Variants in COL21A1 observed in about 807,000 individuals in gnomAD.
The protein encoded by COL21A1 is collagen alpha-1(XXI) chain.
Under a neutral mutation model 137.9 loss-of-function variants are expected in COL21A1, and 149 were observed. That is an observed-to-expected ratio of 1.08 (90% CI 0.95 to 1.24). The LOEUF is 1.24. COL21A1 is among the 50% of genes most tolerant of loss of function. COL21A1 has a pLI of 0.00. For missense variants in COL21A1, 1,167 were observed against 1,158.4 expected (o/e 1.01, Z -0.11); for synonymous variants, 456 against 391.5 (o/e 1.16, Z -1.95).
chr6:56,097,993 GTAAATA>G (rs1769654765), intron 17 of COL21A1, among the ~76,000 whole-genome samples: 3 of 9,110 alleles, frequency 3.3e-4, no homozygotes, highest in African/African-American at 1.7e-3. Flanking sequence ...AAATATATAT[GTAAATA>G]TATAAATATA....
At chr6:56,077,149 A>G (rs1767312100) in intron 18 of COL21A1, among the ~76,000 whole-genome samples, 1 of 151,402 alleles carries the variant, frequency 6.6e-6, no homozygotes, top group African/African-American at 2.4e-5. Context: ...TCAAAACAAG[A>G]GCAAAATAAA....
intron 1 of COL21A1, among the ~76,000 whole-genome samples, chr6:56,236,465 T>C (rs1229071326): frequency 6.6e-6 from 1 of 152,022 alleles, no homozygotes; most frequent in Admixed American, 6.6e-5. Context: ...GGATAAACAA[T>C]ACTCATATCA....
chr6:56,232,150 T>G (rs1463894596), intron 1 of COL21A1, among the ~76,000 whole-genome samples: 1 of 151,832 alleles, frequency 6.6e-6, no homozygotes, highest in Non-Finnish European at 1.5e-5. Flanking sequence ...GAATGTGTCT[T>G]ATTCTTATAT....
At chr6:56,145,491 A>G (rs984483137) in intron 10 of COL21A1, among the ~76,000 whole-genome samples, 2 of 152,174 alleles carry the variant, frequency 1.3e-5, no homozygotes, top group African/African-American at 4.8e-5. Flanking sequence ...TTGGACTAAA[A>G]ACCAGGAAAA....
chr6:56,343,531 G>A (rs1765516849), intron 1 of COL21A1, among the ~76,000 whole-genome samples: 1 of 152,204 alleles, frequency 6.6e-6, no homozygotes, highest in Non-Finnish European at 1.5e-5. Context: ...CTGGGTGAAT[G>A]ACTATCTGTT....
intron 1 of COL21A1, among the ~76,000 whole-genome samples, chr6:56,331,282 G>C (rs1294032152): frequency 6.6e-6 from 1 of 151,134 alleles, no homozygotes; most frequent in Non-Finnish European, 1.5e-5. Context: ...AAGCTTTTCA[G>C]TTTAAGTTCC....
chr6:56,284,021 T>A (rs1448383131), intron 1 of COL21A1, among the ~76,000 whole-genome samples: 1 of 152,122 alleles, frequency 6.6e-6, no homozygotes, highest in Non-Finnish European at 1.5e-5. Context: ...ACTGTAATTA[T>A]GAGGATGTGA....
At position 56,170,689 on chromosome 6, in the gene COL21A1, T is replaced by C. The variant is rs775869347; in HGVS notation, c.986A>G (p.Asn329Ser). The C allele has an allele frequency of 4.0e-5, 64 of 1,603,754 alleles. No homozygotes were observed. The highest frequency in any genetic ancestry group is 5.3e-5 in the Non-Finnish European group (62 of 1,173,856). The change falls in exon 5 of 30, where the codon AAT becomes AGT. Residue 329 changes from asparagine to serine, a missense_variant. Asn to Ser is a conservative substitution (Grantham distance 46). Transcript: ENST00000244728. ...AGCAAAGGTAACCACTTGTGAGCCA[T>C]TAATTACGCTGGTTGTTGTAAATAA... is the stretch of plus-strand genomic sequence containing the variant. ...ILLFTTTSVINGSQVVTFANP... is the reference protein window; with the variant it reads ...ILLFTTTSVISGSQVVTFANP...
intron 1 of COL21A1, among the ~76,000 whole-genome samples, chr6:56,368,765 C>A (rs1489406816): frequency 2.6e-5 from 4 of 152,150 alleles, no homozygotes; most frequent in African/African-American, 7.2e-5. Context: ...TCGCTTGGGA[C>A]ATTTCCTGTT....
intron 1 of COL21A1, among the ~76,000 whole-genome samples, chr6:56,280,946 A>G (rs1462201706): frequency 6.6e-6 from 1 of 152,212 alleles, no homozygotes; most frequent in Non-Finnish European, 1.5e-5. Context: ...TTAAGCCTGC[A>G]GTGGGCCATG....
Position 56,392,142 on chromosome 6 carries a change from C to T in COL21A1, c.-39+1829G>A, listed in dbSNP as rs562741477. Among the ~76,000 whole-genome samples, 25 of 152,072 alleles carry T rather than the reference C, an allele frequency of 1.6e-4. 1 individual carries two copies. The South Asian group carries it at 4.0e-3, about 24-fold the overall frequency. On this transcript the variant is annotated intron_variant, in intron 1 of 28. Coordinates refer to the COL21A1 transcript ENST00000370819. ...ATTCAACAACACATTAAAAGGATCA[C>T]GCATCATGATCAAGTGGGATTCATC...
chr6:56,275,951 A>G (rs1454314115), intron 1 of COL21A1, among the ~76,000 whole-genome samples: 4 of 152,240 alleles, frequency 2.6e-5, no homozygotes, highest in African/African-American at 4.8e-5. Flanking sequence ...TATTCACAAT[A>G]GCAAAGACAT....
intron 1 of COL21A1, among the ~76,000 whole-genome samples, chr6:56,278,763 G>A (rs1444544577): frequency 6.6e-6 from 1 of 152,158 alleles, no homozygotes; most frequent in African/African-American, 2.4e-5. Flanking sequence ...GTGAATGATT[G>A]AACCTGTGTT....
intron 1 of COL21A1, among the ~76,000 whole-genome samples, chr6:56,296,063 T>A (rs142033384): frequency 2.2e-3 from 338 of 152,078 alleles, no homozygotes; most frequent in African/African-American, 7.7e-3. Context: ...ATGTTAGCTA[T>A]AAGTTTTTTA....
chr6:56,160,009 C>T (rs1382816550), intron 9 of COL21A1, among the ~76,000 whole-genome samples: 2 of 152,034 alleles, frequency 1.3e-5, no homozygotes, highest in Non-Finnish European at 2.9e-5. Context: ...GTCAACAGCC[C>T]CAAGAAGAAA....
chr6:56,183,061 A>C (rs1329677210), intron 1 of COL21A1, among the ~76,000 whole-genome samples: 1 of 152,188 alleles, frequency 6.6e-6, no homozygotes, highest in Non-Finnish European at 1.5e-5. Context: ...TAGTGAAAAT[A>C]TGTCTAAGAT....
chr6:56,323,543 C>T (rs958235262), intron 1 of COL21A1, among the ~76,000 whole-genome samples: 10 of 152,230 alleles, frequency 6.6e-5, no homozygotes, highest in African/African-American at 2.2e-4. Flanking sequence ...GTGCACACCA[C>T]TGTGCCCAGA....
At chr6:56,260,681 AAGGAAGGAAGGCAGGC>A (rs1487021856) in intron 1 of COL21A1, among the ~76,000 whole-genome samples, 37 of 110,328 alleles carry the variant, frequency 3.4e-4, no homozygotes, top group African/African-American at 1.1e-3. Flanking sequence ...GGAAGGAAGG[AAGGAAGGAAGGCAGGC>A]AGGCAGGCAG....
intron 16 of COL21A1, among the ~76,000 whole-genome samples, chr6:56,113,773 T>A (rs966730341): frequency 4.6e-5 from 7 of 152,054 alleles, no homozygotes; most frequent in African/African-American, 1.7e-4. Context: ...GGTCTCCAAT[T>A]CCAGGACTCG....
Sources: allele counts gnomAD v4.1 joint callset (sites outside exome capture counted in the v4.1 genomes callset), GRCh38; gene constraint gnomAD v4.1.1; transcripts MANE v1.5; gene names NCBI Gene and HGNC (gene_info 2026-07-23, HGNC 2026-07-21).